The following LGALS2 variants were observed in gnomAD, a reference collection of about 807,000 sequenced individuals.
LGALS2 encodes the protein galectin 2.
LGALS2 carries 7 observed loss-of-function variants against 10.1 expected under a neutral mutation model. That is an observed-to-expected ratio of 0.70 (90% CI 0.40 to 1.31). LGALS2 has a LOEUF of 1.31. LGALS2 is among the 50% of genes most tolerant of loss of function. The probability of loss-of-function intolerance (pLI) is 0.01; values close to 1 mark genes in which losing one functional copy is unlikely to be tolerated. For missense variants in LGALS2, 167 were observed against 163.6 expected (o/e 1.02, Z -0.11); for synonymous variants, 86 against 64.2 (o/e 1.34, Z -1.63).
At chr22:37,577,532 C>CTTT (rs10674228) in intron 1 of LGALS2, among the ~76,000 whole-genome samples, 65,855 of 146,144 alleles carry the variant, frequency 0.45, 15,253 homozygotes, top group African/African-American at 0.5. Flanking sequence ...TTTTCTTCTT[C>CTTT]TTCTTCTTTT....
intron 1 of LGALS2, among the ~76,000 whole-genome samples, chr22:37,572,287 AATATG>A (rs993285266): frequency 2.4e-4 from 37 of 152,336 alleles, no homozygotes; most frequent in Admixed American, 1.2e-3. Context: ...CAGAAACAAA[AATATG>A]ATATGGAAAA....
chr22:37,572,745 C>T (rs980102430), intron 1 of LGALS2, among the ~76,000 whole-genome samples: 11 of 147,586 alleles, frequency 7.5e-5, no homozygotes, highest in Non-Finnish European at 1.0e-4. Flanking sequence ...CCAGCCTGGG[C>T]GACAGAGCGA....
chr22:37,576,766 G>A (rs1206636920), intron 1 of LGALS2, among the ~76,000 whole-genome samples: 1 of 152,224 alleles, frequency 6.6e-6, no homozygotes, highest in East Asian at 1.9e-4. Context: ...AGCTCCTGGG[G>A]GCTGCCTGAC....
rs1925506829 is a variant in LGALS2 at position 37,571,842 on chromosome 22, T to C, written c.89+7A>G. 6.2e-7 allele frequency: 1 copy of C among 1,613,214 alleles called. No homozygotes were observed. Among genetic ancestry groups the C allele is most frequent in the Admixed American group, 1.7e-5 (1 of 60,020 alleles). ...GCAGACTCCCCCAACCCTGAAACCT[T>C]GCTCACCCATCAGTGCCATCGGCGA... On this transcript the variant is annotated splice_region_variant and intron_variant, in intron 2 of 3. Coordinates refer to ENST00000215886, the MANE Select transcript of LGALS2 (RefSeq NM_006498.3).
chr22:37,571,878 G>A lies in LGALS2; in HGVS notation c.60C>T (p.Ile20=). The A allele has an allele frequency of 6.2e-7, 1 of 1,614,120 alleles. No individual in the cohort carries two copies. Among genetic ancestry groups the A allele is most frequent in the Non-Finnish European group, 8.5e-7 (1 of 1,179,982 alleles). The change falls in exon 2 of 4, where the codon ATC becomes ATT. Residue 20 remains isoleucine, a synonymous_variant. Coordinates refer to ENST00000215886, the MANE Select transcript of LGALS2 (RefSeq NM_006498.3). ...MDMKPGSTLK[I]TGSIADGTDG... ...CAGTGCCATCGGCGATGCTGCCTGT[G>A]ATCTTCAGGGTTGACCCCGGCTTCA... is the stretch of plus-strand genomic sequence containing the variant.
In LGALS2 at chr22:37,572,493, G is replaced by A. The variant is rs543949767; in HGVS notation, c.7-562C>T. On this transcript the variant is annotated intron_variant, in intron 1 of 3. Transcript: ENST00000215886. ...CTAAAAATAAAAAAATTGGCCGGAC[G>A]CGGTGGCTCACACCTGTAATCCCAA... 1.6e-3 allele frequency among the ~76,000 whole-genome samples: 238 copies of A among 152,120 alleles called. No individual in the cohort carries two copies. The Middle Eastern group carries it at 0.017, about 11-fold the overall frequency.
intron 2 of LGALS2, 59 bp downstream of exon 2, chr22:37,571,790 C>G (rs1925505275): frequency 7.0e-7 from 1 of 1,421,228 alleles, no homozygotes. Context: ...CCCTGCCTGC[C>G]CCACCCGCCC....
At chr22:37,573,039 C>T (rs1925552282) in intron 1 of LGALS2, among the ~76,000 whole-genome samples, 2 of 151,438 alleles carry the variant, frequency 1.3e-5, no homozygotes, top group African/African-American at 4.9e-5. Context: ...TTTGGAAGGC[C>T]GAGGCAGCCA....
intron 1 of LGALS2, among the ~76,000 whole-genome samples, chr22:37,573,933 G>A (rs1020195790): frequency 3.3e-5 from 5 of 152,014 alleles, no homozygotes; most frequent in African/African-American, 1.2e-4. Flanking sequence ...CACCATGTTG[G>A]TGTGGCTGGT....
chr22:37,571,329 C>T (rs988401406), intron 2 of LGALS2, among the ~76,000 whole-genome samples: 1 of 152,188 alleles, frequency 6.6e-6, no homozygotes, highest in African/African-American at 2.4e-5. Context: ...AGATAAAGCA[C>T]AGTTCCAAGA....
At chr22:37,570,455 A>G (rs1284090532) in intron 3 of LGALS2, 43 bp from the exon 4 acceptor site, 2 of 1,607,980 alleles carry the variant, frequency 1.2e-6, no homozygotes, top group African/African-American at 2.7e-5. Flanking sequence ...GGCCCTGGAA[A>G]TGGGCCAGGG....
chr22:37,577,308 C>T (rs866615906), intron 1 of LGALS2, among the ~76,000 whole-genome samples: 1 of 151,602 alleles, frequency 6.6e-6, no homozygotes, highest in Non-Finnish European at 1.5e-5. Context: ...ACTTGAATAG[C>T]GTCCCCCGAA....
intron 1 of LGALS2, among the ~76,000 whole-genome samples, chr22:37,576,697 G>A (rs972473270): frequency 1.2e-4 from 19 of 152,168 alleles, no homozygotes; most frequent in African/African-American, 3.6e-4. Flanking sequence ...CCCTGCAACA[G>A]TCAGGCCAGG....
chr22:37,576,259 T>C (rs1398771993), intron 1 of LGALS2, among the ~76,000 whole-genome samples: 3 of 151,974 alleles, frequency 2.0e-5, no homozygotes, highest in Non-Finnish European at 4.4e-5. Flanking sequence ...GAGATCATCC[T>C]GGCTAACACG....
chr22:37,577,528 T>C (rs1925724099), intron 1 of LGALS2, among the ~76,000 whole-genome samples: 1 of 121,060 alleles, frequency 8.3e-6, no homozygotes, highest in African/African-American at 3.3e-5. Flanking sequence ...TTTTTTTTCT[T>C]CTTCTTCTTC....
intron 1 of LGALS2, among the ~76,000 whole-genome samples, chr22:37,572,585 G>A (rs956240740): frequency 2.6e-5 from 4 of 151,792 alleles, no homozygotes; most frequent in Non-Finnish European, 4.4e-5. Flanking sequence ...GGCTAACATG[G>A]TGAAACCCCA....
intron 1 of LGALS2, among the ~76,000 whole-genome samples, chr22:37,577,442 C>T (rs183542742): frequency 1.8e-4 from 28 of 151,876 alleles, no homozygotes; most frequent in African/African-American, 6.0e-4. Flanking sequence ...CTCTGCCTCC[C>T]GGGTTCAACC....
intron 1 of LGALS2, among the ~76,000 whole-genome samples, chr22:37,572,949 C>T (rs11913057): frequency 0.11 from 16,365 of 149,748 alleles, 2,354 homozygotes; most frequent in African/African-American, 0.34. Flanking sequence ...CCAGCCTGGG[C>T]GACAAGAGTG....
In LGALS2 at chr22:37,570,679, C is replaced by T. The variant is rs117181617; in HGVS notation, c.146G>A (p.Arg49His). The T allele has an allele frequency of 6.2e-4, 993 of 1,614,220 alleles. 14 individuals are homozygous for T. The East Asian group carries it at 0.017, about 28-fold the overall frequency. Reference sequence around the variant, plus strand: ...GCAGACAATGGTGGATTCGCTGAAGCGAGGGTTGAAATGCAGGTTCAGCTT... The same window carrying T: ...GCAGACAATGGTGGATTCGCTGAAGTGAGGGTTGAAATGCAGGTTCAGCTT... ...TDKLNLHFNPRFSESTIVCNS... is the reference protein window; with the variant it reads ...TDKLNLHFNPHFSESTIVCNS... The change falls in exon 3 of 4, where the codon CGC becomes CAC. Residue 49 changes from arginine to histidine, a missense_variant. Transcript: ENST00000215886.
Sources: gnomAD v4.1 joint callset for allele counts (sites outside exome capture counted in the v4.1 genomes callset) on GRCh38, gnomAD v4.1.1 for gene constraint, MANE v1.5 for transcripts, NCBI Gene and HGNC (gene_info 2026-07-23, HGNC 2026-07-21) for gene names.